The following MRAP2 variants were observed in gnomAD, a reference collection of about 807,000 sequenced individuals.
MRAP2 encodes the protein melanocortin-2 receptor accessory protein 2.
A neutral mutation model predicts 17.4 loss-of-function variants in MRAP2; 20 were observed. That is an observed-to-expected ratio of 1.15 (90% CI 0.81 to 1.67). The LOEUF (loss-of-function observed/expected upper bound fraction) is 1.67. Ranked by LOEUF, MRAP2 falls within the 40% of genes most tolerant of loss-of-function variation. The pLI, the probability that MRAP2 is intolerant of heterozygous loss-of-function variation, is 0.00. For synonymous variants in MRAP2, 96 were observed against 88.4 expected (o/e 1.09, Z -0.48); for missense variants, 238 against 240.0 (o/e 0.99, Z 0.05).
chr6:84,111,100 C>T, the MRAP2 span, among the ~76,000 whole-genome samples: 2 of 151,932 alleles, frequency 1.3e-5, no homozygotes, highest in African/African-American at 4.8e-5. Flanking sequence ...TTTTTGGTTC[C>T]CTATGAAATT....
chr6:84,038,639 A>G (rs1196415087), intron 1 of MRAP2, among the ~76,000 whole-genome samples: 1 of 152,116 alleles, frequency 6.6e-6, no homozygotes, highest in Non-Finnish European at 1.5e-5. Context: ...CTACAGGCAC[A>G]GAACACCATG....
At chr6:84,100,869 C>T in the MRAP2 span, among the ~76,000 whole-genome samples, 6 of 152,010 alleles carry the variant, frequency 3.9e-5, no homozygotes, top group Non-Finnish European at 1.5e-5. Context: ...GGAGTGAGCC[C>T]TGTATTAAGA....
At chr6:84,097,357 T>A in the MRAP2 span, among the ~76,000 whole-genome samples, 2 of 152,174 alleles carry the variant, frequency 1.3e-5, no homozygotes, top group Non-Finnish European at 2.9e-5. Flanking sequence ...TGGCTTTAAG[T>A]TTCCTCTTTA....
chr6:84,063,081 G>A (rs531185801), intron 3 of MRAP2, 89 bp downstream of exon 3: 69 of 1,578,710 alleles, frequency 4.4e-5, no homozygotes, highest in African/African-American at 9.5e-5. Flanking sequence ...GGTGCTTCCC[G>A]TGGATGAAGA....
the MRAP2 span, among the ~76,000 whole-genome samples, chr6:84,137,539 AAAAAT>A: frequency 4.6e-5 from 7 of 152,306 alleles, no homozygotes; most frequent in African/African-American, 1.7e-4. Context: ...GCAGATTAAA[AAAAAT>A]AAAACCCCAC....
chr6:84,111,261 T>G, the MRAP2 span, among the ~76,000 whole-genome samples: 2 of 152,224 alleles, frequency 1.3e-5, no homozygotes, highest in Admixed American at 1.3e-4. Flanking sequence ...TCCATTTGTT[T>G]GTGTCCTCTC....
intron 3 of MRAP2, among the ~76,000 whole-genome samples, chr6:84,073,621 CTGTT>C (rs2099496807): frequency 6.6e-6 from 1 of 152,202 alleles, no homozygotes; most frequent in South Asian, 2.1e-4. Context: ...ATGATTACTT[CTGTT>C]TATTTGTTTT....
chr6:84,062,006 G>T, intron 2 of MRAP2: 1 of 985,398 alleles, frequency 1.0e-6, no homozygotes, highest in Non-Finnish European at 1.2e-6. Context: ...GAGCACTCAA[G>T]AGGCCATCTG....
At chr6:84,143,651 C>A in the MRAP2 span, among the ~76,000 whole-genome samples, 1 of 151,842 alleles carries the variant, frequency 6.6e-6, no homozygotes, top group East Asian at 1.9e-4. Flanking sequence ...AGTGAGAATG[C>A]ACGAATATCT....
the MRAP2 span, among the ~76,000 whole-genome samples, chr6:84,109,449 A>C: frequency 1.3e-5 from 2 of 151,632 alleles, no homozygotes; most frequent in African/African-American, 4.8e-5. Context: ...ATGAAAGTTC[A>C]TTCAAGGTTT....
the MRAP2 span, among the ~76,000 whole-genome samples, chr6:84,120,026 A>G: frequency 6.6e-6 from 1 of 152,222 alleles, no homozygotes; most frequent in South Asian, 2.1e-4. Context: ...GTAATGTGCA[A>G]GCTGGAGAAA....
At chr6:84,038,243 G>A (rs1257793556) in intron 1 of MRAP2, among the ~76,000 whole-genome samples, 1 of 152,234 alleles carries the variant, frequency 6.6e-6, no homozygotes, top group African/African-American at 2.4e-5. Context: ...ACCCATGTGA[G>A]GTATGAAGAT....
At chr6:84,141,259 TTTTTCAATTTTA>T in the MRAP2 span, among the ~76,000 whole-genome samples, 1 of 152,170 alleles carries the variant, frequency 6.6e-6, no homozygotes, top group Non-Finnish European at 1.5e-5. Context: ...AATGATTTTT[TTTTTCAATTTTA>T]AAGGGAGCAT....
chr6:84,081,106 C>A (rs1404163901), intron 3 of MRAP2, among the ~76,000 whole-genome samples: 1 of 152,084 alleles, frequency 6.6e-6, no homozygotes. Context: ...ACAAAGTCAC[C>A]CATTGGGTGC....
chr6:84,033,680 G>C, upstream of MRAP2: 1 of 984,812 alleles, frequency 1.0e-6, no homozygotes, highest in South Asian at 4.7e-5. Context: ...TGGGGAGGCG[G>C]CTCCCGCGCT....
At chr6:84,104,038 A>C in the MRAP2 span, among the ~76,000 whole-genome samples, 76 of 152,340 alleles carry the variant, frequency 5.0e-4, no homozygotes, top group African/African-American at 1.8e-3. Flanking sequence ...CCCTCAAATT[A>C]ATACTGTACT....
intron 1 of MRAP2, 137 bp from the exon 2 acceptor site, chr6:84,055,175 C>A: frequency 1.1e-6 from 1 of 882,830 alleles, no homozygotes; most frequent in Non-Finnish European, 1.7e-6. Context: ...TGGTAAGAAC[C>A]TCTCCTGGCC....
At chr6:84,135,288 T>C in the MRAP2 span, among the ~76,000 whole-genome samples, 2 of 152,220 alleles carry the variant, frequency 1.3e-5, no homozygotes, top group African/African-American at 4.8e-5. Flanking sequence ...AAAACTGTTA[T>C]CTTTTTATTA....
At position 84,078,646 on chromosome 6, in the gene MRAP2, A is replaced by T. The variant is rs1008080542; in HGVS notation, c.228-10445A>T. ...TTGTGAATGGCTTGGTGCTATTCTC[A>T]CAGTAGTGAGTTCTTGCTTTCTCAA... On this transcript the variant is annotated intron_variant, in intron 3 of 3. Transcript: ENST00000257776. Among the ~76,000 whole-genome samples the T allele has an allele frequency of 8.5e-5, 13 of 152,288 alleles. No homozygotes were observed. The East Asian group carries it at 2.5e-3, about 29-fold the overall frequency.
Sources: gnomAD v4.1 joint callset for allele counts (sites outside exome capture counted in the v4.1 genomes callset) on GRCh38, gnomAD v4.1.1 for gene constraint, MANE v1.5 for transcripts, NCBI Gene and HGNC (gene_info 2026-07-23, HGNC 2026-07-21) for gene names.